The following ARHGAP11B variants were observed in gnomAD, a reference collection of about 807,000 sequenced individuals.
The protein encoded by ARHGAP11B is Rho GTPase activating protein 11B, also known as inactive Rho GTPase-activating protein 11B.
In ARHGAP11B, 14 loss-of-function variants were observed where a neutral mutation model predicts 27.6. The observed-to-expected ratio is 0.51, with a 90% CI of 0.34 to 0.79. The LOEUF (loss-of-function observed/expected upper bound fraction) is 0.79, where lower values mean the gene tolerates loss of function less well. Ranked by LOEUF, ARHGAP11B falls within the 30% of genes least tolerant of loss-of-function variation. ARHGAP11B has a pLI of 0.02. For synonymous variants in ARHGAP11B, 82 were observed against 114.1 expected, an observed-to-expected ratio of 0.72 and a Z score of 1.80; for missense variants, 245 against 320.1, an observed-to-expected ratio of 0.77 and a Z score of 1.79.
rs539155891 is a variant in ARHGAP11B at position 30,638,760 on chromosome 15, G to A, written c.*18G>A. 1,094 of 1,490,184 alleles carry A rather than the reference G, an allele frequency of 7.3e-4. 5 individuals are homozygous for A. Among genetic ancestry groups the A allele is most frequent in the Non-Finnish European group, 9.4e-4 (1,045 of 1,112,396 alleles). The allele number at this position is 1,490,184 out of a possible 1,614,324, so 92.3% of individuals were successfully genotyped here. On this transcript the variant is annotated 3_prime_UTR_variant, in exon 7 of 11. Transcript: ENST00000428041. ...TTGCATTTCAGATTTTGTTAGTGGAGCACTAAATAAATTTAAACCTAACAG... is the reference window on the plus strand; with the variant it reads ...TTGCATTTCAGATTTTGTTAGTGGAACACTAAATAAATTTAAACCTAACAG...
intron 7 of ARHGAP11B, among the ~76,000 whole-genome samples, chr15:30,642,467 T>G (rs2060321320): frequency 6.6e-6 from 1 of 152,012 alleles, no homozygotes; most frequent in Non-Finnish European, 1.5e-5. Flanking sequence ...TTGCCAAAAA[T>G]ATTGAACAAA....
intron 6 of ARHGAP11B, among the ~76,000 whole-genome samples, chr15:30,636,266 G>C (rs574572556): frequency 2.4e-4 from 37 of 152,176 alleles, no homozygotes; most frequent in African/African-American, 8.9e-4. Context: ...GTCCAGGCAT[G>C]AGATTATTGT....
At position 30,637,779 on chromosome 15, in the gene ARHGAP11B, T is replaced by C. The variant is rs1400986459; in HGVS notation, c.*4-967T>C. On this transcript the variant is annotated intron_variant, in intron 6 of 10. Coordinates refer to ENST00000428041, the Ensembl canonical transcript of ARHGAP11B. Reference sequence around the variant, plus strand: ...GAATCTTCTTGGTCTTTATGCCTCCTCCTTGAATCTACCCTACATATTGCT... The same window carrying C: ...GAATCTTCTTGGTCTTTATGCCTCCCCCTTGAATCTACCCTACATATTGCT... 4.7e-5 allele frequency among the ~76,000 whole-genome samples: 7 copies of C among 149,272 alleles called. No individual in the cohort carries two copies. The East Asian group carries it at 1.4e-3, about 30-fold the overall frequency.
exon 3 of ARHGAP11B, chr15:30,633,518 G>A (rs1269635053): frequency 6.2e-7 from 1 of 1,613,048 alleles, no homozygotes; most frequent in Admixed American, 1.7e-5. Flanking sequence ...CACATCTTTA[G>A]AAGAACATAT....
intron 7 of ARHGAP11B, among the ~76,000 whole-genome samples, chr15:30,643,263 A>G (rs2060325776): frequency 6.8e-6 from 1 of 147,754 alleles, no homozygotes; most frequent in South Asian, 2.1e-4. Context: ...CTTGCCTTTC[A>G]TGACCTTGAC....
At chr15:30,630,726 T>C (rs769365365) in exon 2 of ARHGAP11B, 148 of 1,610,834 alleles carry the variant, frequency 9.2e-5, no homozygotes, top group Non-Finnish European at 1.2e-4. Context: ...GAGTACCTTT[T>C]AATGCACTGC....
At position 30,630,587 on chromosome 15, in the gene ARHGAP11B, T is replaced by C. The variant is rs1385163250; in HGVS notation, c.130-116T>C. 2.6e-5 allele frequency: 40 copies of C among 1,555,724 alleles called. 1 individual carries two copies. The highest frequency in any genetic ancestry group is 3.2e-5 in the Non-Finnish European group (37 of 1,147,368). Reference sequence around the variant, plus strand: ...GATTATTTTTGTCTTGATTGATAGTTTATCATTTATTTCTGATTTTTTTTA... The same window carrying C: ...GATTATTTTTGTCTTGATTGATAGTCTATCATTTATTTCTGATTTTTTTTA... On this transcript the variant is annotated intron_variant, in intron 1 of 10. Coordinates refer to ENST00000428041, the Ensembl canonical transcript of ARHGAP11B.
At chr15:30,632,501 T>C (rs1470646581) in intron 2 of ARHGAP11B, among the ~76,000 whole-genome samples, 1 of 151,954 alleles carries the variant, frequency 6.6e-6, no homozygotes, top group African/African-American at 2.4e-5. Flanking sequence ...AAATCTTCAT[T>C]GCAATTTCAT....
chr15:30,648,674 G>A (rs1293397587), exon 11 of ARHGAP11B: 1 of 152,016 alleles, frequency 6.6e-6, no homozygotes, highest in Non-Finnish European at 1.5e-5. Flanking sequence ...TGGGGTTGTA[G>A]AAGTTGCAGT....
At chr15:30,640,966 G>A (rs925993576) in intron 7 of ARHGAP11B, among the ~76,000 whole-genome samples, 6 of 151,480 alleles carry the variant, frequency 4.0e-5, no homozygotes, top group Non-Finnish European at 8.8e-5. Context: ...ATGGCAAATG[G>A]GAGTTGTAGT....
rs2060331263 is a variant in ARHGAP11B at position 30,644,115 on chromosome 15, C to T, written c.*79-524C>T. 4.0e-5 allele frequency among the ~76,000 whole-genome samples: 6 copies of T among 151,430 alleles called. 1 individual carries two copies. The highest frequency in any genetic ancestry group is 6.6e-5 in the Admixed American group (1 of 15,178). On this transcript the variant is annotated intron_variant, in intron 7 of 10. Transcript: ENST00000428041. ...TAAAGTGCTTGCTGTATTCTCTAAACTACTATTTACAAAAAAAAAAAATTC... is the reference window on the plus strand; with the variant it reads ...TAAAGTGCTTGCTGTATTCTCTAAATTACTATTTACAAAAAAAAAAAATTC...
chr15:30,648,215 C>T (rs114073840), intron 10 of ARHGAP11B, among the ~76,000 whole-genome samples: 1,865 of 152,110 alleles, frequency 0.012, 48 homozygotes, highest in African/African-American at 0.043. Flanking sequence ...CCTCATGTAG[C>T]ACGTAGCTTC....
rs62014561 is a variant in ARHGAP11B at position 30,635,664 on chromosome 15, A to G, written c.*3+31A>G. On this transcript the variant is annotated intron_variant, in intron 6 of 10. Coordinates refer to ENST00000428041, the Ensembl canonical transcript of ARHGAP11B. The stretch of plus-strand genomic sequence containing the variant: ...TGGTGGTCCCATTTTATGGAGGTAC[A>G]GTGATTTGCTTTAATCGAAAGTACA... 0.25 allele frequency: 408,272 copies of G among 1,609,360 alleles called. 58,661 individuals carry two copies. The highest frequency in any genetic ancestry group is 0.28 in the Non-Finnish European group (333,936 of 1,177,328).
intron 1 of ARHGAP11B, among the ~76,000 whole-genome samples, chr15:30,627,566 A>ATT (rs918809409): frequency 6.8e-6 from 1 of 147,932 alleles, no homozygotes; most frequent in East Asian, 2.0e-4. Flanking sequence ...TGGGACAGCA[A>ATT]TTTTTTTTTT....
At chr15:30,628,596 G>A (rs2140888275) in intron 1 of ARHGAP11B, among the ~76,000 whole-genome samples, 1 of 152,142 alleles carries the variant, frequency 6.6e-6, no homozygotes, top group Admixed American at 6.5e-5. Flanking sequence ...CTAGCACAGT[G>A]CGTGTCACAT....
intron 1 of ARHGAP11B, among the ~76,000 whole-genome samples, chr15:30,629,453 C>G (rs1047491228): frequency 6.6e-6 from 1 of 152,020 alleles, no homozygotes; most frequent in Non-Finnish European, 1.5e-5. Flanking sequence ...ACTCGGGAAG[C>G]TGAGGCAGGA....
At chr15:30,638,295 A>G (rs933764750) in intron 6 of ARHGAP11B, among the ~76,000 whole-genome samples, 5 of 151,914 alleles carry the variant, frequency 3.3e-5, no homozygotes, top group Admixed American at 1.3e-4. Context: ...CTTTAGTCAA[A>G]CGGTGTTATT....
At chr15:30,644,466 A>G (rs1055435858) in intron 7 of ARHGAP11B, among the ~76,000 whole-genome samples, 1 of 152,056 alleles carries the variant, frequency 6.6e-6, no homozygotes, top group Admixed American at 6.6e-5. Flanking sequence ...AAAATAAATT[A>G]TCTATATTTG....
chr15:30,637,650 T>C (rs1246261446), intron 6 of ARHGAP11B, among the ~76,000 whole-genome samples: 1 of 151,690 alleles, frequency 6.6e-6, no homozygotes, highest in Non-Finnish European at 1.5e-5. Flanking sequence ...AGGAGAATGG[T>C]GTGAACCTGG....
Sources: gnomAD v4.1 joint callset for allele counts (sites outside exome capture counted in the v4.1 genomes callset) on GRCh38, gnomAD v4.1.1 for gene constraint, MANE v1.5 for transcripts, NCBI Gene and HGNC (gene_info 2026-07-23, HGNC 2026-07-21) for gene names.